The following SEPTIN11 variants were observed in gnomAD, a reference collection of about 807,000 sequenced individuals.
SEPTIN11 encodes septin 11.
SEPTIN11 carries 25 observed loss-of-function variants against 51.4 expected under a neutral mutation model. The ratio of observed to expected loss-of-function variants is 0.49; its 90% CI spans 0.35 to 0.68. SEPTIN11 has a LOEUF of 0.68. SEPTIN11 is among the 30% of genes least tolerant of loss of function. The pLI is 0.00. For missense variants in SEPTIN11, 381 were observed against 520.8 expected (o/e 0.73, Z 2.61); for synonymous variants, 174 against 184.1 (o/e 0.95, Z 0.44).
At chr4:77,019,680 C>T (rs770672666) in intron 6 of SEPTIN11, among the ~76,000 whole-genome samples, 5 of 152,188 alleles carry the variant, frequency 3.3e-5, no homozygotes, top group Non-Finnish European at 5.9e-5. Flanking sequence ...CTTAGTAAAT[C>T]TGAGACTTAG....
chr4:76,987,418 G>A (rs1003408705), intron 1 of SEPTIN11, among the ~76,000 whole-genome samples: 1 of 152,100 alleles, frequency 6.6e-6, no homozygotes, highest in Non-Finnish European at 1.5e-5. Context: ...AATTCTCATT[G>A]GTAATGAGAT....
chr4:77,022,606 G>A (rs1725795622), intron 7 of SEPTIN11, among the ~76,000 whole-genome samples: 1 of 152,148 alleles, frequency 6.6e-6, no homozygotes, highest in African/African-American at 2.4e-5. Flanking sequence ...CAGATGGGGG[G>A]CCAGATTTGG....
rs1040408096 is a variant in SEPTIN11 at position 77,024,406 on chromosome 4, G to C, written c.953+3736G>C. Among the ~76,000 whole-genome samples the C allele has an allele frequency of 2.0e-5, 3 of 152,022 alleles. No homozygotes were observed. The highest frequency in any genetic ancestry group is 7.2e-5 in the African/African-American group (3 of 41,384). ...TGCGTCTACCACCCAGAGCACCCATGCTTCCCTGGACCCAGGCGTCTCCTT... is the reference window on the plus strand; with the variant it reads ...TGCGTCTACCACCCAGAGCACCCATCCTTCCCTGGACCCAGGCGTCTCCTT... On this transcript the variant is annotated intron_variant, in intron 7 of 9. Transcript: ENST00000264893. The surrounding 1 kb of genome is among the most constrained non-coding windows in gnomAD (Gnocchi z 4.2).
intron 1 of SEPTIN11, among the ~76,000 whole-genome samples, chr4:76,976,338 A>C (rs1722502405): frequency 6.6e-6 from 1 of 152,182 alleles, no homozygotes; most frequent in South Asian, 2.1e-4. Flanking sequence ...TGTTAACATA[A>C]GATCCAAGGC....
chr4:76,971,122 GA>G (rs1286875777), intron 1 of SEPTIN11, among the ~76,000 whole-genome samples: 2 of 152,136 alleles, frequency 1.3e-5, no homozygotes, highest in Non-Finnish European at 2.9e-5. Context: ...AATTGATGTT[GA>G]ATTAATAGAG....
At position 77,035,569 on chromosome 4, in the gene SEPTIN11, A is replaced by T; in HGVS notation, c.*1057A>T. 1.0e-6 allele frequency: 1 copy of T among 985,386 alleles called. No individual in the cohort carries two copies. The allele number at this position is 985,386 out of a possible 1,614,324, so 61.0% of individuals were successfully genotyped here. ...TGGAAATAGGAAGGACCACAACATG[A>T]CCCGTAAGTCAAGAAGGTAGACATT... On this transcript the variant is annotated 3_prime_UTR_variant, in exon 10 of 10. Coordinates refer to ENST00000264893, the MANE Select transcript of SEPTIN11 (RefSeq NM_018243.4).
At chr4:77,023,172 C>T (rs986002085) in intron 7 of SEPTIN11, among the ~76,000 whole-genome samples, 6 of 151,688 alleles carry the variant, frequency 4.0e-5, no homozygotes, top group Admixed American at 6.6e-5. Flanking sequence ...GGCTGCCTGA[C>T]GCTTAGAGAG....
At chr4:76,996,788 G>C (rs1466832556) in intron 2 of SEPTIN11, among the ~76,000 whole-genome samples, 1 of 152,012 alleles carries the variant, frequency 6.6e-6, no homozygotes, top group Non-Finnish European at 1.5e-5. Flanking sequence ...ACACAGTTAA[G>C]CAACTGATCA....
At chr4:76,994,092 C>A (rs751778012) in intron 1 of SEPTIN11, among the ~76,000 whole-genome samples, 1 of 152,096 alleles carries the variant, frequency 6.6e-6, no homozygotes, top group Non-Finnish European at 1.5e-5. Context: ...AATTATGTGG[C>A]GGTGGAGAGA....
chr4:76,961,086 A>G lies in SEPTIN11; in HGVS notation c.27+11156A>G, dbSNP rs536245458. Among the ~76,000 whole-genome samples, 171 of 152,274 alleles carry G rather than the reference A, an allele frequency of 1.1e-3. 1 individual carries two copies. The highest frequency in any genetic ancestry group is 4.0e-3 in the African/African-American group (166 of 41,580). On this transcript the variant is annotated intron_variant, in intron 1 of 9. Coordinates refer to ENST00000264893, the MANE Select transcript of SEPTIN11 (RefSeq NM_018243.4). ...ACTCAGATAATGCTCAACCTCCATG[A>G]CTGGGAGGATCTTGTCAGGCTCTTT...
At chr4:76,958,129 G>T (rs372523524) in intron 1 of SEPTIN11, among the ~76,000 whole-genome samples, 1 of 152,180 alleles carries the variant, frequency 6.6e-6, no homozygotes, top group African/African-American at 2.4e-5. Context: ...TGGATAAGAC[G>T]TATTGTCTAA....
intron 1 of SEPTIN11, among the ~76,000 whole-genome samples, chr4:76,964,102 C>T (rs949671337): frequency 2.6e-5 from 4 of 152,106 alleles, no homozygotes; most frequent in Non-Finnish European, 4.4e-5. Context: ...TGGTTTCCAG[C>T]TTCATCCATG....
chr4:77,001,136 C>G (rs1578166471), intron 2 of SEPTIN11, among the ~76,000 whole-genome samples: 1 of 152,094 alleles, frequency 6.6e-6, no homozygotes, highest in Non-Finnish European at 1.5e-5. Flanking sequence ...ACTGCTTTCC[C>G]CTGTGATGTG....
chr4:77,037,718 G>A lies in SEPTIN11; in HGVS notation c.*3206G>A, dbSNP rs1354005600. 2 of 985,604 alleles carry A rather than the reference G, an allele frequency of 2.0e-6. No homozygotes were observed. The highest frequency in any genetic ancestry group is 1.7e-5 in the African/African-American group (1 of 57,200). 61.1% of individuals were successfully genotyped at this position (985,604 alleles called of 1,614,324 possible). On this transcript the variant is annotated 3_prime_UTR_variant, in exon 10 of 10. Transcript: ENST00000264893. ...TTTAGATCTCCATAACACATGTACT[G>A]TAGAATGTGATGGAAAAGCATTGAT... is the stretch of plus-strand genomic sequence containing the variant.
rs760719379 is a variant in SEPTIN11 at position 77,034,507 on chromosome 4, A to G, written c.1285A>G (p.Thr429Ala). 1 of 1,567,188 alleles carries G rather than the reference A, an allele frequency of 6.4e-7. No individual in the cohort carries two copies. The highest frequency in any genetic ancestry group is 8.6e-7 in the Non-Finnish European group (1 of 1,160,844). The change falls in exon 10 of 10, where the codon ACA becomes GCA. Residue 429 changes from threonine (T) to alanine (A), a missense_variant. Transcript: ENST00000264893. ...KDKDKKNASF[T>A] ...TTTTTTAACTTGCAGTGCAAGCTTC[A>G]CATAAAGCCTGGCAAGCCAAGGATG...
intron 1 of SEPTIN11, among the ~76,000 whole-genome samples, chr4:76,983,704 T>C (rs998719987): frequency 4.6e-5 from 7 of 152,172 alleles, no homozygotes; most frequent in Non-Finnish European, 7.3e-5. Context: ...AGGGTTGAGA[T>C]TAAGACACAG....
At chr4:76,987,237 T>A (rs1179897201) in intron 1 of SEPTIN11, among the ~76,000 whole-genome samples, 1 of 152,198 alleles carries the variant, frequency 6.6e-6, no homozygotes, top group Non-Finnish European at 1.5e-5. Context: ...TTTCCTTGTA[T>A]TACCATATGG....
At chr4:77,010,253 G>A (rs996967601) in intron 3 of SEPTIN11, among the ~76,000 whole-genome samples, 2 of 152,040 alleles carry the variant, frequency 1.3e-5, no homozygotes, top group African/African-American at 2.4e-5. Context: ...TAAGTTGTGC[G>A]GCTGTATTAT....
intron 7 of SEPTIN11, among the ~76,000 whole-genome samples, chr4:77,022,573 C>T (rs1317435990): frequency 1.3e-5 from 2 of 152,154 alleles, no homozygotes; most frequent in African/African-American, 2.4e-5. Flanking sequence ...GGCTGTGTTC[C>T]GGTAAAACTT....
Sources: gnomAD v4.1 joint callset for allele counts (sites outside exome capture counted in the v4.1 genomes callset) on GRCh38, gnomAD v4.1.1 for gene constraint, Gnocchi (gnomAD v3.1) non-coding constraint, MANE v1.5 for transcripts, NCBI Gene and HGNC (gene_info 2026-07-23, HGNC 2026-07-21) for gene names.